The following PDE7B variants were observed in gnomAD, a reference collection of about 807,000 sequenced individuals.
PDE7B encodes the protein 3',5'-cyclic-AMP phosphodiesterase 7B.
In PDE7B, 29 loss-of-function variants were observed where a neutral mutation model predicts 56.2. The observed-to-expected ratio is 0.52, with a 90% CI of 0.38 to 0.70. PDE7B has a LOEUF of 0.70. Among genes scored for constraint, PDE7B ranks in the 30% least tolerant of loss-of-function variants. The probability of loss-of-function intolerance (pLI) is 0.00; values close to 1 mark genes in which losing one functional copy is unlikely to be tolerated. For missense variants in PDE7B, 490 were observed against 565.0 expected (o/e 0.87, Z 1.35); for synonymous variants, 197 against 196.9 (o/e 1.00, Z 0.00).
rs939177549 is a variant in PDE7B at position 136,043,598 on chromosome 6, G to C, written c.83-65133G>C. ...AGCAAAAAAAAAAAAAAAAAAAAGT[G>C]CCTAGAATAGAACCTAAGTTCCACC... On this transcript the variant is annotated intron_variant, in intron 2 of 12. Coordinates refer to ENST00000308191, the MANE Select transcript of PDE7B (RefSeq NM_018945.4). 1.8e-4 allele frequency among the ~76,000 whole-genome samples: 20 copies of C among 113,610 alleles called. 1 individual carries two copies. Among genetic ancestry groups the C allele is most frequent in the Admixed American group, 1.5e-3 (18 of 12,308 alleles). The allele number at this position is 113,610 out of a possible 152,430, so 74.5% of individuals were successfully genotyped here.
intron 2 of PDE7B, among the ~76,000 whole-genome samples, chr6:136,005,139 C>T (rs1281963037): frequency 6.6e-6 from 1 of 152,002 alleles, no homozygotes; most frequent in East Asian, 1.9e-4. Flanking sequence ...GCTGGGAAAA[C>T]TGGCTAGCCA....
intron 2 of PDE7B, among the ~76,000 whole-genome samples, chr6:136,004,263 AC>A (rs896602711): frequency 2.6e-5 from 4 of 152,158 alleles, no homozygotes; most frequent in Non-Finnish European, 5.9e-5. Context: ...ATGGGCAAAA[AC>A]TGGAAGCATT....
intron 1 of PDE7B, among the ~76,000 whole-genome samples, chr6:135,865,916 G>A (rs1775251397): frequency 6.6e-6 from 1 of 152,008 alleles, no homozygotes; most frequent in Non-Finnish European, 1.5e-5. Flanking sequence ...GTAGTGAGGA[G>A]TAGTGAATAG....
chr6:135,954,286 AG>A (rs1311916269), intron 2 of PDE7B, among the ~76,000 whole-genome samples: 1 of 152,106 alleles, frequency 6.6e-6, no homozygotes, highest in Non-Finnish European at 1.5e-5. Flanking sequence ...AGCCCCTAAG[AG>A]GAACTCACTA....
At chr6:136,030,248 T>C (rs4617009) in intron 2 of PDE7B, among the ~76,000 whole-genome samples, 1 of 152,182 alleles carries the variant, frequency 6.6e-6, no homozygotes, top group Non-Finnish European at 1.5e-5. Context: ...TAACTGTACA[T>C]ATTTTTAATC....
At chr6:136,004,873 C>CA (rs1562466603) in intron 2 of PDE7B, among the ~76,000 whole-genome samples, 1 of 151,902 alleles carries the variant, frequency 6.6e-6, no homozygotes, top group South Asian at 2.1e-4. Flanking sequence ...CATATGGAAC[C>CA]AAAAAAGAGC....
At chr6:135,916,681 G>T (rs1306212266) in intron 1 of PDE7B, among the ~76,000 whole-genome samples, 1 of 151,518 alleles carries the variant, frequency 6.6e-6, no homozygotes, top group Non-Finnish European at 1.5e-5. Flanking sequence ...GTTAGCCACC[G>T]CACCCAGCCT....
rs140774559 is a variant in PDE7B at position 136,051,091 on chromosome 6, A to AT, written c.83-57632dup. 2.9e-3 allele frequency among the ~76,000 whole-genome samples: 363 copies of AT among 126,126 alleles called. 3 individuals carry two copies. The highest frequency in any genetic ancestry group is 9.6e-3 in the African/African-American group (322 of 33,526). 82.7% of individuals were successfully genotyped at this position (126,126 alleles called of 152,430 possible). The stretch of plus-strand genomic sequence containing the variant: ...GATCCTACTCTGAACCATTGCAGAA[A>AT]TTTTTTTTGTTTCTTATAAAGAAAT... On this transcript the variant is annotated intron_variant, in intron 2 of 12. Coordinates refer to ENST00000308191, the MANE Select transcript of PDE7B (RefSeq NM_018945.4).
intron 2 of PDE7B, among the ~76,000 whole-genome samples, chr6:135,990,178 C>T (rs938993027): frequency 2.6e-5 from 4 of 151,888 alleles, no homozygotes; most frequent in Admixed American, 2.0e-4. Context: ...TCACTGCAAC[C>T]TCCACCTCCT....
At chr6:135,968,007 T>C (rs1426507643) in intron 2 of PDE7B, among the ~76,000 whole-genome samples, 1 of 152,170 alleles carries the variant, frequency 6.6e-6, no homozygotes, top group East Asian at 1.9e-4. Context: ...AAAGGTTTGC[T>C]TTTTGGCAAC....
chr6:136,117,844 CCT>C (rs1777866505), intron 3 of PDE7B, among the ~76,000 whole-genome samples: 1 of 152,130 alleles, frequency 6.6e-6, no homozygotes, highest in South Asian at 2.1e-4. Flanking sequence ...ACCACGGCTG[CCT>C]CTCTGCCTCT....
chr6:136,103,451 G>C (rs1409201672), intron 2 of PDE7B, among the ~76,000 whole-genome samples: 1 of 152,224 alleles, frequency 6.6e-6, no homozygotes, highest in Admixed American at 6.5e-5. Context: ...TTGGAGAGTA[G>C]TCAGCTGAAA....
intron 2 of PDE7B, among the ~76,000 whole-genome samples, chr6:136,086,211 C>T (rs979394585): frequency 2.0e-5 from 3 of 152,090 alleles, no homozygotes; most frequent in Non-Finnish European, 2.9e-5. Flanking sequence ...CTGTGCTTGG[C>T]GAATATTCTA....
intron 2 of PDE7B, among the ~76,000 whole-genome samples, chr6:135,984,236 A>G (rs1287001377): frequency 2.6e-5 from 4 of 152,194 alleles, no homozygotes; most frequent in Non-Finnish European, 4.4e-5. Context: ...TGCCTAAGAC[A>G]TCGAAGTTAT....
intron 1 of PDE7B, among the ~76,000 whole-genome samples, chr6:135,945,097 A>G (rs1774573726): frequency 7.1e-6 from 1 of 140,936 alleles, no homozygotes; most frequent in Non-Finnish European, 1.6e-5. Flanking sequence ...AATCACTTTA[A>G]AATACAGGTA....
intron 7 of PDE7B, among the ~76,000 whole-genome samples, chr6:136,154,875 A>G (rs1274644021): frequency 6.6e-6 from 1 of 152,196 alleles, no homozygotes; most frequent in African/African-American, 2.4e-5. Flanking sequence ...ATCCCCCTAC[A>G]TATGCGGATG....
chr6:135,990,942 C>A (rs1291603596), intron 2 of PDE7B, among the ~76,000 whole-genome samples: 1 of 152,182 alleles, frequency 6.6e-6, no homozygotes, highest in Non-Finnish European at 1.5e-5. Context: ...TAATTATATG[C>A]TAAATAGGGG....
At chr6:136,088,095 C>T (rs538140463) in intron 2 of PDE7B, among the ~76,000 whole-genome samples, 1 of 152,286 alleles carries the variant, frequency 6.6e-6, no homozygotes, top group Admixed American at 6.5e-5. Context: ...CAATGTCACT[C>T]TGAGTGTTTC....
chr6:136,042,329 A>G (rs1214496188), intron 2 of PDE7B, among the ~76,000 whole-genome samples: 1 of 152,224 alleles, frequency 6.6e-6, no homozygotes, highest in Non-Finnish European at 1.5e-5. Flanking sequence ...CTAGTCAGCA[A>G]CCTGTTTAAG....
Sources: allele counts gnomAD v4.1 joint callset (sites outside exome capture counted in the v4.1 genomes callset), GRCh38; gene constraint gnomAD v4.1.1; transcripts MANE v1.5; gene names NCBI Gene and HGNC (gene_info 2026-07-23, HGNC 2026-07-21).